LSAMP: variants seen among roughly 807,000 people sequenced by gnomAD.
LSAMP encodes the protein limbic system-associated membrane protein.
Under a neutral mutation model 38.6 loss-of-function variants are expected in LSAMP, and 7 were observed. The observed-to-expected ratio is 0.18, with a 90% CI of 0.10 to 0.34. The LOEUF is 0.34. Ranked by LOEUF, LSAMP falls within the 10% of genes least tolerant of loss-of-function variation. The pLI is 1.00. For missense variants in LSAMP, 313 were observed against 420.0 expected (o/e 0.75, Z 2.23); for synonymous variants, 154 against 166.8 (o/e 0.92, Z 0.59).
intron 3 of LSAMP, among the ~76,000 whole-genome samples, chr3:115,886,069 G>A (rs574783056): frequency 1.3e-5 from 2 of 151,892 alleles, no homozygotes; most frequent in South Asian, 4.1e-4. Context: ...TAGTGTTTGA[G>A]GACAAGGGAA....
chr3:115,974,697 G>C (rs373787600), intron 3 of LSAMP, among the ~76,000 whole-genome samples: 1 of 152,124 alleles, frequency 6.6e-6, no homozygotes, highest in African/African-American at 2.4e-5. Flanking sequence ...TCTCAGGAAG[G>C]GGTGAAAAAA....
chr3:116,357,815 G>A (rs1466828993), intron 1 of LSAMP, among the ~76,000 whole-genome samples: 1 of 151,422 alleles, frequency 6.6e-6, no homozygotes, highest in Non-Finnish European at 1.5e-5. Context: ...ATTTACATCA[G>A]TTCACTCTTC....
chr3:116,240,228 C>G (rs936219038), intron 1 of LSAMP, among the ~76,000 whole-genome samples: 3 of 152,182 alleles, frequency 2.0e-5, no homozygotes, highest in South Asian at 4.1e-4. Context: ...AAAATGATAT[C>G]TATCATGCAT....
At position 116,398,716 on chromosome 3, in the gene LSAMP, CA is replaced by C. The variant is rs2048802421; in HGVS notation, c.155+46160del. Among the ~76,000 whole-genome samples the C allele has an allele frequency of 2.0e-5, 3 of 152,268 alleles. No homozygotes were observed. In the South Asian group the frequency reaches 6.2e-4, roughly 32 times the overall value. The stretch of plus-strand genomic sequence containing the variant: ...ATTTAGAAAATAAGTGTCTTGAATA[CA>C]TTGTCAGTATAATTGGGCCATTCAT... On this transcript the variant is annotated intron_variant, in intron 1 of 6. Coordinates refer to ENST00000490035, the MANE Select transcript of LSAMP (RefSeq NM_002338.5).
chr3:116,232,655 G>A (rs1244247287), intron 1 of LSAMP, among the ~76,000 whole-genome samples: 1 of 140,464 alleles, frequency 7.1e-6, no homozygotes, highest in Non-Finnish European at 1.6e-5. Context: ...GACAATTTAA[G>A]GAGCATTTTC....
chr3:115,987,760 C>T (rs902885800), intron 3 of LSAMP, among the ~76,000 whole-genome samples: 1 of 152,066 alleles, frequency 6.6e-6, no homozygotes, highest in Admixed American at 6.6e-5. Context: ...ACCACACATC[C>T]AAATTATACC....
intron 1 of LSAMP, among the ~76,000 whole-genome samples, chr3:116,411,682 C>T (rs1246740290): frequency 1.3e-5 from 2 of 148,174 alleles, no homozygotes; most frequent in African/African-American, 2.5e-5. Context: ...TGCTAAATGA[C>T]GAGTTAATGG....
chr3:116,184,711 A>G (rs1276693210), intron 1 of LSAMP, among the ~76,000 whole-genome samples: 1 of 151,874 alleles, frequency 6.6e-6, no homozygotes, highest in Non-Finnish European at 1.5e-5. Flanking sequence ...TTAGTATGAT[A>G]TATATTTTTA....
intron 1 of LSAMP, among the ~76,000 whole-genome samples, chr3:116,336,835 A>G (rs530390865): frequency 5.7e-4 from 86 of 152,070 alleles, no homozygotes; most frequent in African/African-American, 2.0e-3. Flanking sequence ...AGAGATATTT[A>G]TATACCCATG....
chr3:116,292,246 T>C (rs1055197047), intron 1 of LSAMP, among the ~76,000 whole-genome samples: 2 of 152,176 alleles, frequency 1.3e-5, no homozygotes, highest in African/African-American at 4.8e-5. Flanking sequence ...TAACAGTCCG[T>C]GCATCAAGTC....
intron 1 of LSAMP, among the ~76,000 whole-genome samples, chr3:116,370,840 G>A (rs1462524010): frequency 6.6e-6 from 1 of 151,980 alleles, no homozygotes; most frequent in Admixed American, 6.6e-5. Context: ...GCTATAGATG[G>A]ACTAAGAAAA....
intron 1 of LSAMP, among the ~76,000 whole-genome samples, chr3:116,310,301 C>A (rs2047539622): frequency 6.6e-6 from 1 of 152,140 alleles, no homozygotes; most frequent in Non-Finnish European, 1.5e-5. Context: ...ACAACTCTGG[C>A]AATGCAAGTC....
intron 1 of LSAMP, among the ~76,000 whole-genome samples, chr3:116,156,797 G>T (rs1243306177): frequency 6.6e-6 from 1 of 152,070 alleles, no homozygotes; most frequent in Non-Finnish European, 1.5e-5. Context: ...CATAATCACA[G>T]GAAAAGAAGG....
intron 6 of LSAMP, among the ~76,000 whole-genome samples, chr3:115,836,676 G>A (rs1934799894): frequency 7.0e-6 from 1 of 142,004 alleles, no homozygotes; most frequent in Non-Finnish European, 1.5e-5. Context: ...TGGGCGAGGG[G>A]AGGCGAGATG....
intron 1 of LSAMP, among the ~76,000 whole-genome samples, chr3:116,216,653 C>T (rs1284142669): frequency 1.3e-5 from 2 of 151,488 alleles, no homozygotes; most frequent in Non-Finnish European, 2.9e-5. Context: ...AACTAGCAGG[C>T]ACAGTAATGA....
chr3:116,279,081 T>C (rs2047092974), intron 1 of LSAMP, among the ~76,000 whole-genome samples: 1 of 152,196 alleles, frequency 6.6e-6, no homozygotes, highest in African/African-American at 2.4e-5. Flanking sequence ...TAAATAAAAT[T>C]TGGACATGAA....
chr3:115,805,798 A>G lies in LSAMP; in HGVS notation c.*4519T>C, dbSNP rs1164839649. On this transcript the variant is annotated 3_prime_UTR_variant, in exon 7 of 7. Transcript: ENST00000490035. ...TAGTATGCACATAAATGTAAACTCC[A>G]TTTTGCATTTAGTGAGATGTTTACA... 1 of 152,196 alleles carries G rather than the reference A, an allele frequency of 6.6e-6. No homozygotes were observed. The highest frequency in any genetic ancestry group is 1.5e-5 in the Non-Finnish European group (1 of 68,022). 9.4% of individuals were successfully genotyped at this position (152,196 alleles called of 1,614,324 possible).
At chr3:116,279,992 T>A (rs1304477244) in intron 1 of LSAMP, among the ~76,000 whole-genome samples, 1 of 152,168 alleles carries the variant, frequency 6.6e-6, no homozygotes, top group African/African-American at 2.4e-5. Flanking sequence ...GGCCAAATAT[T>A]ATGTCTGTAA....
chr3:116,420,644 GCAGATCACTTGAGGT>G (rs2049109458), intron 1 of LSAMP, among the ~76,000 whole-genome samples: 3 of 151,674 alleles, frequency 2.0e-5, no homozygotes, highest in Admixed American at 2.0e-4. Flanking sequence ...GCCAAGGTGG[GCAGATCACTTGAGGT>G]CAGGAATTCG....
Sources: allele counts gnomAD v4.1 joint callset (sites outside exome capture counted in the v4.1 genomes callset), GRCh38; gene constraint gnomAD v4.1.1; transcripts MANE v1.5; gene names NCBI Gene and HGNC (gene_info 2026-07-23, HGNC 2026-07-21).